The following SRP72 variants were observed in gnomAD, a reference collection of about 807,000 sequenced individuals.
SRP72 encodes the protein signal recognition particle subunit SRP72.
Under a neutral mutation model 96.3 loss-of-function variants are expected in SRP72, and 49 were observed. The observed-to-expected ratio is 0.51, with a 90% confidence interval of 0.40 to 0.65. SRP72 has a LOEUF of 0.65. SRP72 is among the 30% of genes least tolerant of loss of function. SRP72 has a pLI of 0.00. For synonymous variants in SRP72, 267 were observed against 275.2 expected (o/e 0.97, Z 0.30); for missense variants, 736 against 793.3 (o/e 0.93, Z 0.87).
intron 10 of SRP72, 79 bp downstream of exon 10, chr4:56,484,943 A>G (rs1720649352): frequency 3.4e-6 from 5 of 1,484,762 alleles, no homozygotes; most frequent in Non-Finnish European, 3.6e-6. Flanking sequence ...ACCTACTAGC[A>G]TGTAAATTTA....
intron 2 of SRP72, among the ~76,000 whole-genome samples, chr4:56,470,904 C>G (rs140009938): frequency 6.6e-6 from 1 of 150,664 alleles, no homozygotes; most frequent in African/African-American, 2.4e-5. Context: ...CGGGTTCACG[C>G]GATTCTCCTG....
chr4:56,500,570 C>T lies in SRP72; in HGVS notation c.1713C>T (p.Thr571=), dbSNP rs1470204953. 2 of 1,613,526 alleles carry T rather than the reference C, an allele frequency of 1.2e-6. No homozygotes were observed. The highest frequency in any genetic ancestry group is 2.7e-5 in the African/African-American group (2 of 74,834). ...KLPKNYDPKV[T]PDPERWLPMR... The stretch of plus-strand genomic sequence containing the variant: ...CTAAGAATTATGACCCAAAAGTTAC[C>T]CCAGATCCAGAAAGATGGCTGCCAA... The change falls in exon 18 of 19, where the codon ACC becomes ACT. Residue 571 remains threonine (T), a synonymous_variant. Coordinates refer to ENST00000642900, the MANE Select transcript of SRP72 (RefSeq NM_006947.4).
chr4:56,469,570 C>T lies in SRP72; in HGVS notation c.110-83C>T, dbSNP rs111226780. On this transcript the variant is annotated intron_variant, in intron 1 of 18. Coordinates refer to ENST00000642900, the MANE Select transcript of SRP72 (RefSeq NM_006947.4). ...GCAATAAAAGTAGAAATTTAGCTTT[C>T]GGAGAGACAGGGTGGGAAAATTTAG... 2,322 of 1,345,712 alleles carry T rather than the reference C, an allele frequency of 1.7e-3. 70 individuals carry two copies. In the South Asian group the frequency reaches 0.031, roughly 18 times the overall value. The allele number at this position is 1,345,712 out of a possible 1,614,324, so 83.4% of individuals were successfully genotyped here.
chr4:56,479,689 C>T (rs1720404551), intron 8 of SRP72, among the ~76,000 whole-genome samples: 1 of 151,440 alleles, frequency 6.6e-6, no homozygotes, highest in African/African-American at 2.4e-5. Context: ...CCATGTTGCC[C>T]AGGCTGGTCT....
At chr4:56,470,983 G>T (rs1719951373) in intron 2 of SRP72, among the ~76,000 whole-genome samples, 1 of 152,046 alleles carries the variant, frequency 6.6e-6, no homozygotes, top group African/African-American at 2.4e-5. Context: ...TGTAATTTTA[G>T]TAGAGACAGG....
intron 17 of SRP72, among the ~76,000 whole-genome samples, chr4:56,496,131 A>G (rs1008653125): frequency 6.6e-6 from 1 of 152,170 alleles, no homozygotes; most frequent in Non-Finnish European, 1.5e-5. Flanking sequence ...GGGTGGCATT[A>G]CCGTGCTTGA....
At chr4:56,467,844 G>A (rs1478494183) in intron 1 of SRP72, 100 bp downstream of exon 1, 16 of 1,171,200 alleles carry the variant, frequency 1.4e-5, no homozygotes, top group Non-Finnish European at 5.7e-6. Flanking sequence ...CACGGGAAGG[G>A]GAGACCCCCG....
chr4:56,493,802 G>A (rs1196405066), intron 16 of SRP72, among the ~76,000 whole-genome samples: 1 of 152,158 alleles, frequency 6.6e-6, no homozygotes, highest in African/African-American at 2.4e-5. Context: ...GGAGGTGGAG[G>A]TTGCAGTGAG....
rs543215572 is a variant in SRP72, at chr4:56,493,069, G to A, written c.1640+1501G>A. Among the ~76,000 whole-genome samples, 24 of 152,160 alleles carry A rather than the reference G, an allele frequency of 1.6e-4. No individual in the cohort carries two copies. In the South Asian group the frequency reaches 3.7e-3, roughly 24 times the overall value. On this transcript the variant is annotated intron_variant, in intron 16 of 18. Coordinates refer to ENST00000642900, the MANE Select transcript of SRP72 (RefSeq NM_006947.4). ...GTTTTCTTTTTTGAGACGGAGTCTT[G>A]CTCTGTTGCCCAGGCTGGAGTGCAG... is the stretch of plus-strand genomic sequence containing the variant.
chr4:56,474,247 T>G (rs745945540), intron 4 of SRP72, 33 bp from the exon 5 acceptor site: 1 of 1,613,216 alleles, frequency 6.2e-7, no homozygotes, highest in Admixed American at 1.7e-5. Flanking sequence ...TTATTCATAT[T>G]TAGTATTTAA....
Position 56,482,481 on chromosome 4 carries a change from A to G in SRP72, c.826-658A>G, listed in dbSNP as rs547570212. 2.0e-5 allele frequency among the ~76,000 whole-genome samples: 3 copies of G among 152,182 alleles called. No individual in the cohort carries two copies. In the East Asian group the frequency reaches 5.8e-4, roughly 30 times the overall value. ...AAAAGGTATGTACTTGTTTTCAGAC[A>G]TAATGCTGTTGCACACTTAATAGAC... On this transcript the variant is annotated intron_variant, in intron 8 of 18. Coordinates refer to ENST00000642900, the MANE Select transcript of SRP72 (RefSeq NM_006947.4).
At position 56,478,589 on chromosome 4, in the gene SRP72, C is replaced by T. The variant is rs1435663090; in HGVS notation, c.768-3C>T. ...GGTTTTGACTGTTGCTTGTTGTTCACAGACCAACAGATGTGGGATTACTAG... is the reference window on the plus strand; with the variant it reads ...GGTTTTGACTGTTGCTTGTTGTTCATAGACCAACAGATGTGGGATTACTAG... On this transcript the variant is annotated splice_region_variant and splice_polypyrimidine_tract_variant and intron_variant, in intron 7 of 18. Coordinates refer to ENST00000642900, the MANE Select transcript of SRP72 (RefSeq NM_006947.4). The T allele has an allele frequency of 6.2e-7, 1 of 1,613,886 alleles. No homozygotes were observed. The highest frequency in any genetic ancestry group is 1.1e-5 in the South Asian group (1 of 91,038).
Position 56,486,408 on chromosome 4 carries a change from T to A in SRP72, c.1159+11T>A. ...TGAAAATTTCTCAAGGTATTATGGT[T>A]TTCATCATGATTAAAATATTTTAAT... On this transcript the variant is annotated intron_variant, in intron 11 of 18. Coordinates refer to ENST00000642900, the MANE Select transcript of SRP72 (RefSeq NM_006947.4). The A allele has an allele frequency of 6.3e-7, 1 of 1,574,842 alleles. No homozygotes were observed.
In SRP72 at chr4:56,501,918, T is replaced by A; in HGVS notation, c.*57T>A. 6.5e-7 allele frequency: 1 copy of A among 1,547,146 alleles called. No homozygotes were observed. The highest frequency in any genetic ancestry group is 8.9e-7 in the Non-Finnish European group (1 of 1,121,364). On this transcript the variant is annotated 3_prime_UTR_variant, in exon 19 of 19. Transcript: ENST00000642900. ...ACTAGTGTCAGTGACACTAGGAATA[T>A]AATAAAGGTAACACAGCAAGAAGCA...
chr4:56,499,058 C>T lies in SRP72; in HGVS notation c.1679-1478C>T, dbSNP rs180929357. On this transcript the variant is annotated intron_variant, in intron 17 of 18. Coordinates refer to ENST00000642900, the MANE Select transcript of SRP72 (RefSeq NM_006947.4). ...TAACCAAAACAGAATGGTACGGGTA[C>T]CAAAACAGATCTGTAGACCAATGGA... 1.2e-4 allele frequency among the ~76,000 whole-genome samples: 18 copies of T among 152,198 alleles called. No homozygotes were observed. In the East Asian group the frequency reaches 2.9e-3, roughly 25 times the overall value.
intron 11 of SRP72, among the ~76,000 whole-genome samples, chr4:56,487,635 G>GC (rs1335175436): frequency 2.0e-5 from 3 of 152,096 alleles, no homozygotes; most frequent in Admixed American, 6.6e-5. Flanking sequence ...TCAAGTTACA[G>GC]CCCAAAAAAG....
chr4:56,479,736 C>T (rs993648809), intron 8 of SRP72, among the ~76,000 whole-genome samples: 2 of 152,070 alleles, frequency 1.3e-5, no homozygotes, highest in Non-Finnish European at 2.9e-5. Flanking sequence ...CCTGCCTCAG[C>T]CTCCCAAATT....
At chr4:56,467,861 C>A (rs1003741095) in intron 1 of SRP72, 117 bp downstream of exon 1, 7 of 1,023,508 alleles carry the variant, frequency 6.8e-6, no homozygotes, top group Non-Finnish European at 9.3e-6. Flanking sequence ...CCCGAAACCC[C>A]CCCGTCTATT....
intron 16 of SRP72, 57 bp from the exon 17 acceptor site, chr4:56,495,300 A>T: frequency 8.0e-7 from 1 of 1,254,690 alleles, no homozygotes; most frequent in Non-Finnish European, 1.1e-6. Context: ...GCACTTACTT[A>T]ATGCTCTATA....
Sources: allele counts gnomAD v4.1 joint callset (sites outside exome capture counted in the v4.1 genomes callset), GRCh38; gene constraint gnomAD v4.1.1; transcripts MANE v1.5; gene names NCBI Gene and HGNC (gene_info 2026-07-23, HGNC 2026-07-21).